Variants in CDH18 observed in about 807,000 individuals in gnomAD.
The protein encoded by CDH18 is cadherin-18.
In CDH18, 31 loss-of-function variants were observed where a neutral mutation model predicts 67.9. That is an observed-to-expected ratio of 0.46 (90% CI 0.34 to 0.62). The LOEUF is 0.62. CDH18 is among the 20% of genes least tolerant of loss of function. The pLI is 0.01. For synonymous variants in CDH18, 362 were observed against 347.2 expected (o/e 1.04, Z -0.48); for missense variants, 890 against 975.5 (o/e 0.91, Z 1.17).
rs1561128643 is a variant in CDH18 at position 19,472,748 on chromosome 5, T to TAAC, written c.*475_*477dup. Among the ~76,000 whole-genome samples the TAAC allele has an allele frequency of 6.6e-6, 1 of 152,130 alleles. No individual in the cohort carries two copies. The highest frequency in any genetic ancestry group is 1.5e-5 in the Non-Finnish European group (1 of 68,018). Reference sequence around the variant, plus strand: ...ACAAGGCTAATGAGATCTGTTATAATAACAGAGTGTGGTTCTCAAGGTTTC... The same window carrying TAAC: ...ACAAGGCTAATGAGATCTGTTATAATAACAACAGAGTGTGGTTCTCAAGGTTTC... On this transcript the variant is annotated 3_prime_UTR_variant, in exon 13 of 13. Transcript: ENST00000382275.
intron 5 of CDH18, among the ~76,000 whole-genome samples, chr5:19,709,337 G>C (rs547658228): frequency 6.6e-6 from 1 of 152,254 alleles, no homozygotes; most frequent in East Asian, 1.9e-4. Context: ...GGAGGCCAAT[G>C]TGTGTGGATC....
chr5:20,070,653 T>C (rs1743405502), intron 2 of CDH18, among the ~76,000 whole-genome samples: 1 of 152,146 alleles, frequency 6.6e-6, no homozygotes, highest in South Asian at 2.1e-4. Flanking sequence ...GGTGCCTGAG[T>C]CCTTGTTCCA....
chr5:19,741,419 T>C (rs1001355867), intron 4 of CDH18, among the ~76,000 whole-genome samples: 1 of 151,506 alleles, frequency 6.6e-6, no homozygotes, highest in Non-Finnish European at 1.5e-5. Context: ...GTCTTCTAAA[T>C]GCAGGCTATA....
chr5:20,388,968 C>G (rs532400056), intron 1 of CDH18, among the ~76,000 whole-genome samples: 65 of 152,232 alleles, frequency 4.3e-4, no homozygotes, highest in African/African-American at 1.6e-3. Flanking sequence ...TGCTTTACTT[C>G]CAACTATGTG....
intron 8 of CDH18, among the ~76,000 whole-genome samples, chr5:19,547,423 C>T (rs918548300): frequency 6.6e-6 from 1 of 152,154 alleles, no homozygotes; most frequent in African/African-American, 2.4e-5. Context: ...GATTGTAGTG[C>T]TATAGATCCC....
At chr5:19,805,115 T>A (rs970827076) in intron 3 of CDH18, among the ~76,000 whole-genome samples, 3 of 151,804 alleles carry the variant, frequency 2.0e-5, no homozygotes, top group Non-Finnish European at 4.4e-5. Context: ...CCTGGCTAAT[T>A]TTTGTATTTA....
chr5:20,459,753 C>G (rs1478473578), intron 1 of CDH18, among the ~76,000 whole-genome samples: 1 of 152,104 alleles, frequency 6.6e-6, no homozygotes, highest in Non-Finnish European at 1.5e-5. Flanking sequence ...CTGCTCTTTT[C>G]CATTTCATGG....
intron 6 of CDH18, among the ~76,000 whole-genome samples, chr5:19,596,240 G>T (rs1746142918): frequency 6.6e-6 from 1 of 152,146 alleles, no homozygotes; most frequent in Non-Finnish European, 1.5e-5. Context: ...AAATTTGAGG[G>T]CATAAAATCA....
intron 2 of CDH18, among the ~76,000 whole-genome samples, chr5:19,914,708 A>AT (rs1791560865): frequency 6.6e-6 from 1 of 152,140 alleles, no homozygotes; most frequent in Non-Finnish European, 1.5e-5. Context: ...AATTTTATGC[A>AT]TTTTGAGCAC....
At chr5:20,255,137 G>A (rs542359931) in intron 2 of CDH18, among the ~76,000 whole-genome samples, 1 of 152,114 alleles carries the variant, frequency 6.6e-6, no homozygotes, top group Non-Finnish European at 1.5e-5. Flanking sequence ...AAGAGGGAGG[G>A]AAGGAGAGGG....
intron 2 of CDH18, among the ~76,000 whole-genome samples, chr5:19,854,552 A>T (rs945924492): frequency 6.6e-6 from 1 of 152,112 alleles, no homozygotes; most frequent in African/African-American, 2.4e-5. Context: ...GTAGCTATTA[A>T]TGTAATACTT....
intron 4 of CDH18, among the ~76,000 whole-genome samples, chr5:19,726,708 G>C (rs1766893917): frequency 6.6e-6 from 1 of 152,140 alleles, no homozygotes; most frequent in African/African-American, 2.4e-5. Flanking sequence ...AAAATTATAA[G>C]ACTTGGTATT....
intron 3 of CDH18, among the ~76,000 whole-genome samples, chr5:19,769,149 A>G (rs1773444266): frequency 6.6e-6 from 1 of 152,110 alleles, no homozygotes; most frequent in African/African-American, 2.4e-5. Context: ...ACACTTGAAG[A>G]TATAAAGCCG....
chr5:20,296,454 G>A (rs1747539615), intron 1 of CDH18, among the ~76,000 whole-genome samples: 1 of 151,402 alleles, frequency 6.6e-6, no homozygotes, highest in Admixed American at 6.6e-5. Flanking sequence ...GTAGAGACGG[G>A]GTTTCACCGT....
chr5:19,958,467 C>T (rs1796486037), intron 2 of CDH18, among the ~76,000 whole-genome samples: 1 of 144,758 alleles, frequency 6.9e-6, no homozygotes, highest in Non-Finnish European at 1.5e-5. Context: ...TCATTATGAA[C>T]TGCCATCAAG....
chr5:20,345,417 C>T (rs1037870471), intron 1 of CDH18, among the ~76,000 whole-genome samples: 4 of 152,134 alleles, frequency 2.6e-5, no homozygotes, highest in African/African-American at 9.6e-5. Context: ...ATGTCTTTCA[C>T]AACGTGAAAC....
At chr5:20,409,895 A>C (rs1405326529) in intron 1 of CDH18, among the ~76,000 whole-genome samples, 1 of 151,632 alleles carries the variant, frequency 6.6e-6, no homozygotes, top group Non-Finnish European at 1.5e-5. Context: ...AACTAGAAGA[A>C]ACATATAAAT....
chr5:19,767,285 T>C (rs1352370740), intron 3 of CDH18, among the ~76,000 whole-genome samples: 2 of 151,864 alleles, frequency 1.3e-5, no homozygotes, highest in African/African-American at 4.8e-5. Flanking sequence ...TCACAAATAA[T>C]ACGTATGACA....
intron 1 of CDH18, among the ~76,000 whole-genome samples, chr5:20,411,503 T>C (rs896528238): frequency 6.6e-6 from 1 of 151,992 alleles, no homozygotes; most frequent in Non-Finnish European, 1.5e-5. Context: ...ACAGAAAGCA[T>C]AGAGGAAAAG....
Sources: allele counts gnomAD v4.1 joint callset (sites outside exome capture counted in the v4.1 genomes callset), GRCh38; gene constraint gnomAD v4.1.1; transcripts MANE v1.5; gene names NCBI Gene and HGNC (gene_info 2026-07-23, HGNC 2026-07-21).